LAMA3: variants seen among roughly 807,000 people sequenced by gnomAD.
LAMA3 encodes the protein laminin subunit alpha 3, also known as laminin subunit alpha-3.
A neutral mutation model predicts 402.0 loss-of-function variants in LAMA3; 281 were observed. The observed-to-expected ratio is 0.70, with a 90% confidence interval of 0.63 to 0.77. LAMA3 has a LOEUF of 0.77. Ranked by LOEUF, LAMA3 falls within the 30% of genes least tolerant of loss-of-function variation. LAMA3 has a pLI of 0.00. For synonymous variants in LAMA3, 1,431 were observed against 1,558.4 expected, an observed-to-expected ratio of 0.92 and a Z score of 1.93; for missense variants, 3,840 against 4,215.5, an observed-to-expected ratio of 0.91 and a Z score of 2.47.
Position 23,839,175 on chromosome 18 carries a change from A to G in LAMA3, c.3191+297A>G, listed in dbSNP as rs185395992. Among the ~76,000 whole-genome samples the G allele has an allele frequency of 6.6e-6, 1 of 152,340 alleles. No individual in the cohort carries two copies. Among genetic ancestry groups the G allele is most frequent in the Non-Finnish European group, 1.5e-5 (1 of 68,024 alleles). On this transcript the variant is annotated intron_variant, in intron 26 of 74. Coordinates refer to ENST00000313654, the MANE Select transcript of LAMA3 (RefSeq NM_198129.4). The surrounding 1 kb of genome is among the most constrained non-coding windows in gnomAD (Gnocchi z 4.5). ...CCTCGAAAAGACTCGTTTTGTTCCA[A>G]TCTTTTAATCTTTCTGTCTGAGACT...
In LAMA3 at chr18:23,814,511, C is replaced by G; in HGVS notation, c.1888+9C>G. On this transcript the variant is annotated intron_variant, in intron 15 of 74. Coordinates refer to ENST00000313654, the MANE Select transcript of LAMA3 (RefSeq NM_198129.4). ...CCCCAGTGGATGTTCAGGTAGGTTT[C>G]TTATATGTCATAATTTACTATATTA... 1 of 1,549,116 alleles carries G rather than the reference C, an allele frequency of 6.5e-7. No individual in the cohort carries two copies.
chr18:23,764,039 A>G (rs1430273182), intron 8 of LAMA3, among the ~76,000 whole-genome samples: 1 of 152,204 alleles, frequency 6.6e-6, no homozygotes, highest in Non-Finnish European at 1.5e-5. Context: ...ATGGCGGAAG[A>G]GGGCATCTCT....
Position 23,912,616 on chromosome 18 carries a change from G to A in LAMA3, c.7159-95G>A, listed in dbSNP as rs1006432976. The A allele has an allele frequency of 3.0e-6, 3 of 989,652 alleles. No homozygotes were observed. In the African/African-American group the frequency reaches 4.8e-5, roughly 16 times the overall value. The allele number at this position is 989,652 out of a possible 1,614,324, so 61.3% of individuals were successfully genotyped here. ...TCCTTATCATAACAACTCAGGAAAGGCTGATACATGGCTACGAGTCACAAA... is the reference window on the plus strand; with the variant it reads ...TCCTTATCATAACAACTCAGGAAAGACTGATACATGGCTACGAGTCACAAA... On this transcript the variant is annotated intron_variant, in intron 55 of 74. Transcript: ENST00000313654.
chr18:23,826,520 T>G (rs1441678068), intron 21 of LAMA3, among the ~76,000 whole-genome samples, 182 bp from the exon 22 acceptor site: 3 of 152,154 alleles, frequency 2.0e-5, no homozygotes, highest in African/African-American at 7.2e-5. Context: ...ATAAAGAATC[T>G]TTGATGAGTG....
chr18:23,777,478 C>T (rs1055260991), intron 10 of LAMA3, 79 bp from the exon 11 acceptor site: 15 of 970,214 alleles, frequency 1.5e-5, no homozygotes, highest in Non-Finnish European at 2.5e-5. Context: ...AGGGTGTCTT[C>T]CTAGTTAGTA....
chr18:23,909,083 G>A, intron 54 of LAMA3, 70 bp from the exon 55 acceptor site: 1 of 1,446,344 alleles, frequency 6.9e-7, no homozygotes, highest in African/African-American at 1.4e-5. Flanking sequence ...AATACTGTCA[G>A]TAAGAACATT....
rs1194049245 is a variant in LAMA3, at chr18:23,750,445, T to G, written c.685-473T>G. Among the ~76,000 whole-genome samples, 819 of 139,112 alleles carry G rather than the reference T, an allele frequency of 5.9e-3. 6 individuals carry two copies. Among genetic ancestry groups the G allele is most frequent in the African/African-American group, 0.02 (768 of 37,692 alleles). The allele number at this position is 139,112 out of a possible 152,430, so 91.3% of individuals were successfully genotyped here. A position where few individuals can be genotyped will look rare whatever the true frequency, so the allele number is the denominator to read the frequency against. ...AGGGTTTACACAGTTTTTTTTTTTT[T>G]TTTTTTTTTTTTTTTTTTTTTTGCC... On this transcript the variant is annotated intron_variant, in intron 4 of 74. Transcript: ENST00000313654.
chr18:23,900,093 C>T (rs990432719), intron 47 of LAMA3, among the ~76,000 whole-genome samples: 19 of 147,808 alleles, frequency 1.3e-4, no homozygotes, highest in African/African-American at 4.7e-4. Context: ...GTGTATGTGA[C>T]AGAGTCTCAC....
chr18:23,752,645 A>G (rs912172299), intron 5 of LAMA3, among the ~76,000 whole-genome samples: 1 of 152,216 alleles, frequency 6.6e-6, no homozygotes, highest in African/African-American at 2.4e-5. Context: ...AACTTGTCAC[A>G]GAAAGCCCTG....
chr18:23,899,702 G>T, intron 47 of LAMA3: 4 of 412,682 alleles, frequency 9.7e-6, no homozygotes, highest in African/African-American at 2.0e-5. Flanking sequence ...AGTTAGATAT[G>T]GTTGCCTCTT....
In LAMA3 at chr18:23,847,473, G is replaced by C; in HGVS notation, c.3941G>C (p.Cys1314Ser). The C allele has an allele frequency of 6.2e-7, 1 of 1,612,314 alleles. No individual in the cohort carries two copies. Among genetic ancestry groups the C allele is most frequent in the Non-Finnish European group, 8.5e-7 (1 of 1,180,024 alleles). The change falls in exon 32 of 75, where the codon TGT becomes TCT. Residue 1314 changes from cysteine to serine, a missense_variant. Cys to Ser is a moderately radical substitution (Grantham distance 112). Transcript: ENST00000313654. ...YGFPRCKPCS[C>S]GRRLCEEMTG... ...TTTATCCCCTGGCCAGCGTGCAGCT[G>C]TGGTCGGCGCCTTTGTGAAGAGATG... is the stretch of plus-strand genomic sequence containing the variant.
chr18:23,846,250 A>G (rs1215239054), intron 30 of LAMA3, 47 bp from the exon 31 acceptor site: 3 of 1,593,266 alleles, frequency 1.9e-6, no homozygotes, highest in Non-Finnish European at 1.7e-6. Context: ...GGCCACTCCC[A>G]TACACACCTC....
chr18:23,703,996 C>G (rs2060838666), intron 1 of LAMA3, among the ~76,000 whole-genome samples: 1 of 152,230 alleles, frequency 6.6e-6, no homozygotes, highest in Non-Finnish European at 1.5e-5. Flanking sequence ...TCCTATACAT[C>G]AGGCCTCCAG....
At position 23,846,528 on chromosome 18, in the gene LAMA3, C is replaced by T; in HGVS notation, c.3931+20C>T. ...GCAAGCGTAAGTGCACGTTTCCCAT[C>T]ACCCAAGTTCTGCTCTGGTCCCGTG... On this transcript the variant is annotated intron_variant, in intron 31 of 74. Transcript: ENST00000313654. 1 of 1,593,060 alleles carries T rather than the reference C, an allele frequency of 6.3e-7. No homozygotes were observed. Among genetic ancestry groups the T allele is most frequent in the Admixed American group, 1.7e-5 (1 of 59,258 alleles).
rs1296690256 is a variant in LAMA3, at chr18:23,907,730, T to C, written c.6836-26T>C. The C allele has an allele frequency of 5.0e-6, 8 of 1,613,784 alleles. No individual in the cohort carries two copies. The Admixed American group carries it at 5.0e-5, about 10-fold the overall frequency. ...TTTTGTTGAACGTTTTAGATACTTA[T>C]ACCTCCCTATCTGTGTGTGCATTAG... On this transcript the variant is annotated intron_variant, in intron 53 of 74. Coordinates refer to ENST00000313654, the MANE Select transcript of LAMA3 (RefSeq NM_198129.4).
chr18:23,861,230 T>C (rs535108980), intron 34 of LAMA3, among the ~76,000 whole-genome samples: 9 of 152,324 alleles, frequency 5.9e-5, no homozygotes, highest in Middle Eastern at 6.8e-3. Context: ...AGATTTAATT[T>C]TGATGCTCCA....
chr18:23,715,738 A>C (rs189696361), intron 2 of LAMA3, among the ~76,000 whole-genome samples: 7 of 152,300 alleles, frequency 4.6e-5, no homozygotes, highest in African/African-American at 1.7e-4. Flanking sequence ...TACTAAAACT[A>C]ATGCTAATAC....
chr18:23,811,953 G>A (rs1381692452), intron 13 of LAMA3, among the ~76,000 whole-genome samples: 1 of 151,666 alleles, frequency 6.6e-6, no homozygotes, highest in African/African-American at 2.4e-5. Context: ...AGCTCACTGC[G>A]AGCTCTGCCT....
chr18:23,744,627 C>T lies in LAMA3; in HGVS notation c.448-3316C>T, dbSNP rs561042826. On this transcript the variant is annotated intron_variant, in intron 2 of 74. Transcript: ENST00000313654. ...CAAGTGGATCACGAGGTCAGGAGATCGAGACCATCCTGGCTAACACGGTGA... is the reference window on the plus strand; with the variant it reads ...CAAGTGGATCACGAGGTCAGGAGATTGAGACCATCCTGGCTAACACGGTGA... 4.6e-5 allele frequency among the ~76,000 whole-genome samples: 7 copies of T among 151,892 alleles called. No individual in the cohort carries two copies. The East Asian group carries it at 7.8e-4, about 17-fold the overall frequency.
Sources: allele counts gnomAD v4.1 joint callset (sites outside exome capture counted in the v4.1 genomes callset), GRCh38; gene constraint gnomAD v4.1.1; non-coding constraint Gnocchi (gnomAD v3.1); transcripts MANE v1.5; gene names NCBI Gene and HGNC (gene_info 2026-07-23, HGNC 2026-07-21).